Variants in TNKS2 observed in about 807,000 individuals in gnomAD.
TNKS2 encodes the protein poly [ADP-ribose] polymerase tankyrase-2.
In TNKS2, 72 loss-of-function variants were observed where a neutral mutation model predicts 137.6. The ratio of observed to expected loss-of-function variants is 0.52; its 90% CI spans 0.43 to 0.64. TNKS2 has a LOEUF of 0.64. TNKS2 is among the 30% of genes least tolerant of loss of function. TNKS2 has a pLI of 0.00. For synonymous variants in TNKS2, 516 were observed against 512.1 expected (o/e 1.01, Z -0.10); for missense variants, 1,049 against 1,410.2 (o/e 0.74, Z 4.10).
Position 91,841,414 on chromosome 10 carries a change from A to G in TNKS2, c.1805A>G (p.Lys602Arg). 2 of 1,608,642 alleles carry G rather than the reference A, an allele frequency of 1.2e-6. No individual in the cohort carries two copies. The highest frequency in any genetic ancestry group is 2.2e-5 in the South Asian group (2 of 90,004). ...KFTPLHEAAA[K>R]GKYEICKLLL... ...ACACCTTTACATGAAGCAGCAGCAA[A>G]AGGAAAATATGAAATTTGCAAACTT... The change falls in exon 15 of 27, where the codon AAA becomes AGA. Residue 602 changes from lysine to arginine, a missense_variant. Physicochemically the swap from Lys to Arg is conservative, Grantham distance 26. Coordinates refer to ENST00000371627, the MANE Select transcript of TNKS2 (RefSeq NM_025235.4).
intron 1 of TNKS2, among the ~76,000 whole-genome samples, chr10:91,809,746 A>C (rs1166255721): frequency 6.6e-6 from 1 of 151,954 alleles, no homozygotes; most frequent in Non-Finnish European, 1.5e-5. Context: ...TTAAGGACCT[A>C]TCTACTGCCT....
In TNKS2 at chr10:91,836,949, A is replaced by G. The variant is rs1476249560; in HGVS notation, c.1478A>G (p.Asp493Gly). Reference protein sequence around the residue: ...EGISLGNSEADRQLLEAAKAG... With the variant: ...EGISLGNSEAGRQLLEAAKAG... ...ATCTCATTAGGTAATTCAGAGGCAG[A>G]CAGACAATTGCTGGAAGCTGCAAAG... The change falls in exon 13 of 27, where the codon GAC becomes GGC. Residue 493 changes from aspartate (D) to glycine (G), a missense_variant. By Grantham distance (94) the Asp-to-Gly change is moderately conservative. This residue lies in a region of TNKS2 where 328 missense variants were observed against 436.0 expected (regional missense o/e 0.75). Coordinates refer to ENST00000371627, the MANE Select transcript of TNKS2 (RefSeq NM_025235.4). 1.2e-5 allele frequency: 20 copies of G among 1,613,468 alleles called. No individual in the cohort carries two copies. The highest frequency in any genetic ancestry group is 1.6e-5 in the Non-Finnish European group (19 of 1,179,676).
chr10:91,845,952 G>T lies in TNKS2; in HGVS notation c.2358+12G>T. On this transcript the variant is annotated intron_variant, in intron 18 of 26. Transcript: ENST00000371627. ...TAGATTTAGTTTCAGTAAGTGATGG[G>T]CTTTTTGAAAAATCTCAGTGCTTTT... 1 of 1,503,872 alleles carries T rather than the reference G, an allele frequency of 6.6e-7. No individual in the cohort carries two copies. Among genetic ancestry groups the T allele is most frequent in the African/African-American group, 1.4e-5 (1 of 72,524 alleles). 93.2% of individuals were successfully genotyped at this position (1,503,872 alleles called of 1,614,324 possible).
At chr10:91,832,551 A>G (rs1841844434) in intron 11 of TNKS2, among the ~76,000 whole-genome samples, 2 of 151,836 alleles carry the variant, frequency 1.3e-5, no homozygotes, top group South Asian at 4.1e-4. Context: ...TGTCCTAAGC[A>G]TTTTAAATCC....
chr10:91,822,397 G>T, intron 7 of TNKS2, 35 bp downstream of exon 7: 1 of 1,524,150 alleles, frequency 6.6e-7, no homozygotes. Context: ...TTACTTTCTA[G>T]AGTTATATAA....
At chr10:91,833,260 G>C (rs772288194) in intron 11 of TNKS2, among the ~76,000 whole-genome samples, 2 of 152,170 alleles carry the variant, frequency 1.3e-5, no homozygotes, top group Non-Finnish European at 2.9e-5. Flanking sequence ...TCTAGGCCTT[G>C]ACATACATGG....
At chr10:91,801,653 TAGTAGAGA>T (rs538526479) in intron 1 of TNKS2, among the ~76,000 whole-genome samples, 4,374 of 152,202 alleles carry the variant, frequency 0.029, 192 homozygotes, top group East Asian at 0.21. Context: ...TTTGTATTTT[TAGTAGAGA>T]CAGGGTTTCA....
intron 12 of TNKS2, 32 bp downstream of exon 12, chr10:91,834,056 T>A (rs780900631): frequency 6.7e-6 from 10 of 1,482,782 alleles, no homozygotes; most frequent in African/African-American, 1.4e-5. Flanking sequence ...TTGATTTTTT[T>A]AAATTAACCT....
Position 91,798,506 on chromosome 10 carries a change from G to T in TNKS2, c.-185G>T. Reference sequence around the variant, plus strand: ...CCGCCGCGGGGCAGCCGGGGGGCAGGGAGCCCAGCGAGGGGCGCGCGTGGG... The same window carrying T: ...CCGCCGCGGGGCAGCCGGGGGGCAGTGAGCCCAGCGAGGGGCGCGCGTGGG... On this transcript the variant is annotated 5_prime_UTR_variant, in exon 1 of 27. Coordinates refer to ENST00000371627, the MANE Select transcript of TNKS2 (RefSeq NM_025235.4). The T allele has an allele frequency of 1.7e-6, 1 of 594,170 alleles. No individual in the cohort carries two copies. Among genetic ancestry groups the T allele is most frequent in the Non-Finnish European group, 2.4e-6 (1 of 422,710 alleles). 36.8% of individuals were successfully genotyped at this position (594,170 alleles called of 1,614,324 possible).
chr10:91,807,386 G>A (rs1844358640), intron 1 of TNKS2: 2 of 1,614,020 alleles, frequency 1.2e-6, no homozygotes, highest in African/African-American at 1.3e-5. Context: ...GGTCAGCGAG[G>A]TAAAGCTTCT....
chr10:91,823,355 T>C lies in TNKS2; in HGVS notation c.795+993T>C, dbSNP rs373660190. On this transcript the variant is annotated intron_variant, in intron 7 of 26. Transcript: ENST00000371627. ...TTTTTTTTTTTTTTTTGAGACGGAG[T>C]CTCGCTCTGTCGCCCAGGCTGGAGT... Among the ~76,000 whole-genome samples, 1,221 of 140,538 alleles carry C rather than the reference T, an allele frequency of 8.7e-3. 19 individuals carry two copies. The highest frequency in any genetic ancestry group is 0.02 in the Middle Eastern group (5 of 256). The allele number at this position is 140,538 out of a possible 152,430, so 92.2% of individuals were successfully genotyped here. A position where few individuals can be genotyped will look rare whatever the true frequency, so the allele number is the denominator to read the frequency against.
At chr10:91,820,502 AAC>A (rs1469238138) in intron 6 of TNKS2, among the ~76,000 whole-genome samples, 1 of 152,254 alleles carries the variant, frequency 6.6e-6, no homozygotes, top group African/African-American at 2.4e-5. Context: ...ACATTTAAAA[AAC>A]AGTGACTAGA....
intron 1 of TNKS2, among the ~76,000 whole-genome samples, chr10:91,801,067 G>T (rs1844151566): frequency 6.6e-6 from 1 of 152,114 alleles, no homozygotes; most frequent in Admixed American, 6.5e-5. Context: ...AATTTTTTTA[G>T]CTGATTAAAG....
At position 91,813,210 on chromosome 10, in the gene TNKS2, A is replaced by G; in HGVS notation, c.424+3A>G. The G allele has an allele frequency of 1.9e-6, 3 of 1,612,444 alleles. No homozygotes were observed. The highest frequency in any genetic ancestry group is 2.5e-6 in the Non-Finnish European group (3 of 1,178,686). The stretch of plus-strand genomic sequence containing the variant: ...AGGAAAGATTGATGTTTGCATTGGT[A>G]AGACTGTTTACTTTTCCGACTTTTA... On this transcript the variant is annotated splice_donor_region_variant and intron_variant, in intron 2 of 26. Transcript: ENST00000371627.
At chr10:91,820,391 G>A (rs1281767107) in intron 6 of TNKS2, among the ~76,000 whole-genome samples, 3 of 152,210 alleles carry the variant, frequency 2.0e-5, no homozygotes, top group South Asian at 2.1e-4. Context: ...ACTTGACCTG[G>A]ACTGTAAAGT....
intron 7 of TNKS2, 75 bp from the exon 8 acceptor site, chr10:91,826,942 G>A: frequency 7.6e-7 from 1 of 1,311,120 alleles, no homozygotes; most frequent in South Asian, 2.4e-5. Context: ...CCTGTATGAT[G>A]TTAAATTACA....
chr10:91,857,598 A>G, intron 24 of TNKS2, 68 bp downstream of exon 24: 1 of 958,624 alleles, frequency 1.0e-6, no homozygotes, highest in Non-Finnish European at 1.6e-6. Context: ...TTCAGATATG[A>G]AATAATAATA....
At chr10:91,817,932 A>G (rs928996912) in intron 3 of TNKS2, among the ~76,000 whole-genome samples, 1 of 152,236 alleles carries the variant, frequency 6.6e-6, no homozygotes, top group African/African-American at 2.4e-5. Flanking sequence ...TGTGATGACT[A>G]GAATCATACC....
chr10:91,809,558 C>A (rs568832405), intron 1 of TNKS2, among the ~76,000 whole-genome samples: 9 of 151,560 alleles, frequency 5.9e-5, no homozygotes, highest in African/African-American at 2.2e-4. Context: ...CCCAGCTACT[C>A]GGGAGGCTGA....
Sources: gnomAD v4.1 joint callset for allele counts (sites outside exome capture counted in the v4.1 genomes callset) on GRCh38, gnomAD v4.1.1 for gene constraint, gnomAD v4.1.1 regional missense constraint, MANE v1.5 for transcripts, NCBI Gene and HGNC (gene_info 2026-07-23, HGNC 2026-07-21) for gene names.